MEIG1: variants seen among roughly 807,000 people sequenced by gnomAD.
MEIG1 encodes the protein meiosis/spermiogenesis associated 1.
In MEIG1, 12 loss-of-function variants were observed where a neutral mutation model predicts 11.3. The observed-to-expected ratio is 1.07, with a 90% CI of 0.68 to 1.73. The LOEUF is 1.73. MEIG1 is among the 40% of genes most tolerant of loss of function. The probability of loss-of-function intolerance (pLI) is 0.00; values close to 1 mark genes in which losing one functional copy is unlikely to be tolerated. For synonymous variants in MEIG1, 41 were observed against 33.2 expected, an observed-to-expected ratio of 1.24 and a Z score of -0.81; for missense variants, 119 against 104.9, an observed-to-expected ratio of 1.13 and a Z score of -0.59.
chr10:14,968,762 C>T (rs1025745240), intron 2 of MEIG1, among the ~76,000 whole-genome samples: 1 of 152,072 alleles, frequency 6.6e-6, no homozygotes, highest in African/African-American at 2.4e-5. Context: ...AAAACAGAAG[C>T]ATTATCATTT....
intron 1 of MEIG1, among the ~76,000 whole-genome samples, chr10:14,982,306 C>A (rs116211135): frequency 1.3e-5 from 2 of 152,146 alleles, no homozygotes; most frequent in East Asian, 3.8e-4. Flanking sequence ...GTGGGTCCAA[C>A]TGGTGGTCGG....
At chr10:14,964,608 T>TAC (rs1220258184) in intron 1 of MEIG1, among the ~76,000 whole-genome samples, 3 of 90,728 alleles carry the variant, frequency 3.3e-5, no homozygotes, top group African/African-American at 4.3e-5. Flanking sequence ...TATATATATA[T>TAC]ACACACACAC....
intron 1 of MEIG1, among the ~76,000 whole-genome samples, chr10:14,981,956 T>G (rs1042277467): frequency 2.0e-5 from 3 of 152,208 alleles, no homozygotes; most frequent in African/African-American, 7.2e-5. Context: ...GCTTACTGCA[T>G]CCCTGTTTAC....
At chr10:14,957,988 C>A (rs1246681407), upstream of MEIG1, among the ~76,000 whole-genome samples, 1 of 152,102 alleles carries the variant, frequency 6.6e-6, no homozygotes, top group Non-Finnish European at 1.5e-5. Context: ...GTTGTGTTGA[C>A]AACAGACTAC....
At chr10:14,968,986 G>C (rs1206261952) in intron 2 of MEIG1, among the ~76,000 whole-genome samples, 1 of 152,100 alleles carries the variant, frequency 6.6e-6, no homozygotes, top group Non-Finnish European at 1.5e-5. Context: ...GCCGAGGCAG[G>C]AGAATCACTT....
chr10:14,966,637 C>G (rs983721421), intron 2 of MEIG1, 31 bp downstream of exon 2: 3 of 1,585,422 alleles, frequency 1.9e-6, no homozygotes, highest in Middle Eastern at 1.7e-4. Context: ...AACCTCAACT[C>G]GAAATGTATT....
intron 1 of MEIG1, among the ~76,000 whole-genome samples, chr10:14,984,889 C>T (rs1395286340): frequency 6.6e-6 from 1 of 151,906 alleles, no homozygotes; most frequent in East Asian, 1.9e-4. Context: ...GTACACGCTT[C>T]AATATTCTTC....
At chr10:14,958,991 G>GA (rs144505534), upstream of MEIG1, among the ~76,000 whole-genome samples, 1,440 of 152,260 alleles carry the variant, frequency 9.5e-3, 23 homozygotes, top group African/African-American at 0.032. Context: ...GATAATGCTA[G>GA]AAAAAATAAT....
At chr10:14,968,276 T>TCAGGA in intron 2 of MEIG1, among the ~76,000 whole-genome samples, 1 of 152,038 alleles carries the variant, frequency 6.6e-6, no homozygotes. Flanking sequence ...TCACTTGAGG[T>TCAGGA]AATGAGTTTG....
In MEIG1 at chr10:14,987,270, G is replaced by T. The variant is rs1404156396; in HGVS notation, n.285+256G>T. On this transcript the variant is annotated intron_variant and non_coding_transcript_variant, in intron 2 of 2. Transcript: ENST00000467536. ...AGGAAGAAGTACATGGGGGTATGGAGGGGGGAGTCAGAGCTGACAGCCAGG... is the reference window on the plus strand; with the variant it reads ...AGGAAGAAGTACATGGGGGTATGGATGGGGGAGTCAGAGCTGACAGCCAGG... 8.7e-6 allele frequency: 7 copies of T among 807,462 alleles called. No homozygotes were observed. In the East Asian group the frequency reaches 1.9e-4, roughly 22 times the overall value. The allele number at this position is 807,462 out of a possible 1,614,324, so 50.0% of individuals were successfully genotyped here. A position where few individuals can be genotyped will look rare whatever the true frequency, so the allele number is the denominator to read the frequency against.
chr10:14,954,237 C>A, the MEIG1 span: 4 of 660,746 alleles, frequency 6.1e-6, no homozygotes, highest in Non-Finnish European at 1.0e-5. Flanking sequence ...CTTCGCTGCA[C>A]GCGATGGGCC....
At chr10:14,969,873 T>G (rs1843130286) in intron 2 of MEIG1, among the ~76,000 whole-genome samples, 1 of 152,210 alleles carries the variant, frequency 6.6e-6, no homozygotes. Context: ...AAGTGTTTAG[T>G]AAATGATACC....
Position 14,966,486 on chromosome 10 carries a change from A to G in MEIG1, c.18A>G (p.Val6=), listed in dbSNP as rs1843085342. Residue 6 remains valine (V), a synonymous_variant, in exon 2 of 3, where the codon GTA becomes GTG. Transcript: ENST00000407572. ...CTGTAACCATGGCTAGTTCTGACGT[A>G]AAACCAAAATCAGTAAGTCATGCCA... is the stretch of plus-strand genomic sequence containing the variant. MASSD[V]KPKSVSHAKK... is the part of the protein sequence containing the mutation. The G allele has an allele frequency of 6.2e-7, 1 of 1,609,092 alleles. No individual in the cohort carries two copies. Among genetic ancestry groups the G allele is most frequent in the African/African-American group, 1.3e-5 (1 of 74,684 alleles).
chr10:14,975,595 A>C (rs915244281), downstream of MEIG1, among the ~76,000 whole-genome samples: 1 of 152,056 alleles, frequency 6.6e-6, no homozygotes, highest in African/African-American at 2.4e-5. Flanking sequence ...ATTTTTTGTA[A>C]TGTGCAGGGC....
chr10:14,985,044 G>A (rs532826167), intron 1 of MEIG1, among the ~76,000 whole-genome samples: 1 of 151,980 alleles, frequency 6.6e-6, no homozygotes, highest in East Asian at 1.9e-4. Context: ...TTGAAGAGAT[G>A]TTACTACTGA....
At chr10:14,976,016 C>CTG (rs1052856037), downstream of MEIG1, among the ~76,000 whole-genome samples, 4 of 152,316 alleles carry the variant, frequency 2.6e-5, no homozygotes, top group Non-Finnish European at 4.4e-5. Flanking sequence ...CGTCAACACG[C>CTG]TGTGACCACC....
intron 2 of MEIG1, among the ~76,000 whole-genome samples, chr10:14,972,276 G>A (rs1935402): frequency 0.66 from 101,013 of 151,936 alleles, 33,791 homozygotes; most frequent in Admixed American, 0.69. Flanking sequence ...CAGCCTCCCA[G>A]AGTGCTGGGA....
intron 2 of MEIG1, among the ~76,000 whole-genome samples, chr10:14,971,648 A>T (rs1294959798): frequency 6.6e-6 from 1 of 152,216 alleles, no homozygotes; most frequent in African/African-American, 2.4e-5. Context: ...CTGTGTATTC[A>T]TCAACAATCA....
At chr10:14,976,407 G>A (rs1484398777), downstream of MEIG1, among the ~76,000 whole-genome samples, 2 of 152,094 alleles carry the variant, frequency 1.3e-5, no homozygotes, top group Non-Finnish European at 2.9e-5. Flanking sequence ...ACCTTGTGGT[G>A]TTATTCTTAT....
Sources: gnomAD v4.1 joint callset for allele counts (sites outside exome capture counted in the v4.1 genomes callset) on GRCh38, gnomAD v4.1.1 for gene constraint, MANE v1.5 for transcripts, NCBI Gene and HGNC (gene_info 2026-07-23, HGNC 2026-07-21) for gene names.